Variants in TMEFF2 observed in about 807,000 individuals in gnomAD.
The protein encoded by TMEFF2 is transmembrane protein with EGF like and two follistatin like domains 2.
In TMEFF2, 28 loss-of-function variants were observed where a neutral mutation model predicts 53.8. The ratio of observed to expected loss-of-function variants is 0.52; its 90% CI spans 0.39 to 0.71. The LOEUF (loss-of-function observed/expected upper bound fraction) is 0.71, where lower values mean the gene tolerates loss of function less well. TMEFF2 is among the 30% of genes least tolerant of loss of function. The pLI is 0.00. For synonymous variants in TMEFF2, 162 were observed against 166.3 expected (o/e 0.97, Z 0.20); for missense variants, 353 against 455.2 (o/e 0.78, Z 2.04).
intron 7 of TMEFF2, among the ~76,000 whole-genome samples, chr2:191,995,211 A>G (rs1180196672): frequency 2.0e-5 from 3 of 151,952 alleles, no homozygotes; most frequent in Non-Finnish European, 4.4e-5. Context: ...AGATACAATT[A>G]ATTTATTTTA....
intron 5 of TMEFF2, among the ~76,000 whole-genome samples, chr2:192,051,395 A>G (rs937022935): frequency 3.9e-5 from 6 of 152,174 alleles, no homozygotes; most frequent in Non-Finnish European, 5.9e-5. Context: ...TTTGTGACTA[A>G]TCAGCATCCT....
At chr2:192,037,269 A>AAAAGGAAAG (rs1440087652) in intron 5 of TMEFF2, 5 of 72,536 alleles carry the variant, frequency 6.9e-5, no homozygotes, top group Admixed American at 3.1e-4. Context: ...AAGACTAGCC[A>AAAAGGAAAG]AAATAAAGAA....
intron 7 of TMEFF2, among the ~76,000 whole-genome samples, chr2:191,994,493 A>G (rs1686176648): frequency 6.6e-6 from 1 of 151,678 alleles, no homozygotes; most frequent in Non-Finnish European, 1.5e-5. Context: ...ATCAGAAAAT[A>G]TACATATATA....
At chr2:191,999,360 C>G (rs1686301960) in intron 5 of TMEFF2, 152 bp from the exon 6 acceptor site, 1 of 516,622 alleles carries the variant, frequency 1.9e-6, no homozygotes, top group Admixed American at 4.1e-5. Context: ...ACTTTTCTAA[C>G]TGAGAAGAAA....
At chr2:191,971,761 GT>G (rs1234227529) in intron 7 of TMEFF2, among the ~76,000 whole-genome samples, 1 of 152,046 alleles carries the variant, frequency 6.6e-6, no homozygotes, top group Non-Finnish European at 1.5e-5. Context: ...TAAATAGACA[GT>G]TTCTCTCTGG....
intron 4 of TMEFF2, among the ~76,000 whole-genome samples, chr2:192,124,176 A>G (rs1689624148): frequency 6.6e-6 from 1 of 152,208 alleles, no homozygotes; most frequent in South Asian, 2.1e-4. Context: ...TTAATCAATC[A>G]CCTGATTTCT....
intron 9 of TMEFF2, among the ~76,000 whole-genome samples, chr2:191,951,200 T>C (rs1691870070): frequency 6.6e-6 from 1 of 151,878 alleles, no homozygotes. Context: ...TATAAATATA[T>C]ATATGTATAG....
At chr2:191,999,334 C>T in intron 5 of TMEFF2, 126 bp from the exon 6 acceptor site, 1 of 707,642 alleles carries the variant, frequency 1.4e-6, no homozygotes, top group Non-Finnish European at 2.1e-6. Context: ...TTGTATCCTT[C>T]CAGGGAAGTT....
At chr2:192,060,801 G>A (rs1158459135) in intron 4 of TMEFF2, among the ~76,000 whole-genome samples, 2 of 152,104 alleles carry the variant, frequency 1.3e-5, no homozygotes, top group African/African-American at 4.8e-5. Flanking sequence ...TCTTAACCAT[G>A]CATTTATATT....
chr2:191,986,707 A>G (rs111273307), intron 7 of TMEFF2, among the ~76,000 whole-genome samples: 2 of 151,992 alleles, frequency 1.3e-5, no homozygotes, highest in African/African-American at 4.8e-5. Flanking sequence ...AAAATACAAA[A>G]ATTAGCCAGG....
At chr2:192,007,535 G>A (rs753656499) in intron 5 of TMEFF2, among the ~76,000 whole-genome samples, 19 of 152,140 alleles carry the variant, frequency 1.2e-4, no homozygotes, top group Non-Finnish European at 2.5e-4. Flanking sequence ...ACAGTGTGCT[G>A]GGAGGATCAC....
intron 4 of TMEFF2, among the ~76,000 whole-genome samples, chr2:192,067,115 G>A (rs1406594946): frequency 1.3e-5 from 2 of 151,834 alleles, no homozygotes; most frequent in Non-Finnish European, 2.9e-5. Flanking sequence ...GAGGAGAACA[G>A]AGAATGCATC....
intron 4 of TMEFF2, among the ~76,000 whole-genome samples, chr2:192,065,575 GTCAATA>G (rs1270414715): frequency 4.0e-5 from 6 of 151,686 alleles, no homozygotes; most frequent in Non-Finnish European, 8.9e-5. Context: ...TGCTATTTTA[GTCAATA>G]TCAATCTAGT....
chr2:191,972,499 T>G (rs1308177196), intron 7 of TMEFF2, among the ~76,000 whole-genome samples: 1 of 151,640 alleles, frequency 6.6e-6, no homozygotes, highest in African/African-American at 2.4e-5. Flanking sequence ...TTGGGTAGTT[T>G]CCAGCACATC....
chr2:191,998,941 G>A, intron 6 of TMEFF2, 119 bp downstream of exon 6: 1 of 1,040,124 alleles, frequency 9.6e-7, no homozygotes, highest in Non-Finnish European at 1.4e-6. Context: ...ACTATCCATT[G>A]TAAATAAGCA....
At position 192,037,357 on chromosome 2, in the gene TMEFF2, A is replaced by C. The variant is rs189916708; in HGVS notation, c.536+20322T>G. 1.4e-4 allele frequency among the ~76,000 whole-genome samples: 21 copies of C among 145,766 alleles called. No individual in the cohort carries two copies. The East Asian group carries it at 3.9e-3, about 27-fold the overall frequency. On this transcript the variant is annotated intron_variant, in intron 5 of 9. Transcript: ENST00000272771. ...AGAAAAACAGAAAACAGAAAAAAAA[A>C]CCTCTCACTTAAGTTTTTTTTCTTT...
intron 2 of TMEFF2, among the ~76,000 whole-genome samples, chr2:192,187,100 T>C (rs1417625330): frequency 6.6e-6 from 1 of 152,166 alleles, no homozygotes; most frequent in Non-Finnish European, 1.5e-5. Flanking sequence ...CTTATTAATA[T>C]GAAGAACACC....
intron 7 of TMEFF2, among the ~76,000 whole-genome samples, chr2:191,971,224 G>C (rs992853598): frequency 6.6e-6 from 1 of 152,142 alleles, no homozygotes; most frequent in Non-Finnish European, 1.5e-5. Flanking sequence ...TGATCTTATA[G>C]TGTTAGTTTA....
intron 4 of TMEFF2, among the ~76,000 whole-genome samples, chr2:192,080,110 T>C (rs77163977): frequency 6.6e-5 from 10 of 152,338 alleles, no homozygotes; most frequent in African/African-American, 1.2e-4. Context: ...GACCACATTA[T>C]AACAAAATAA....
Sources: allele counts gnomAD v4.1 joint callset (sites outside exome capture counted in the v4.1 genomes callset), GRCh38; gene constraint gnomAD v4.1.1; transcripts MANE v1.5; gene names NCBI Gene and HGNC (gene_info 2026-07-23, HGNC 2026-07-21).